The following NUCKS1 variants were observed in gnomAD, a reference collection of about 807,000 sequenced individuals.
The protein encoded by NUCKS1 is nuclear casein kinase and cyclin dependent kinase substrate 1, also known as nuclear ubiquitous casein and cyclin-dependent kinase substrate 1.
A neutral mutation model predicts 33.0 loss-of-function variants in NUCKS1; 2 were observed. The ratio of observed to expected loss-of-function variants is 0.06; its 90% CI spans 0.02 to 0.19. The LOEUF (loss-of-function observed/expected upper bound fraction) is 0.19, where lower values mean the gene tolerates loss of function less well. NUCKS1 is among the 10% of genes least tolerant of loss of function. The pLI is 1.00. For missense variants in NUCKS1, 201 were observed against 293.6 expected (o/e 0.68, Z 2.31); for synonymous variants, 106 against 102.8 (o/e 1.03, Z -0.19).
At chr1:205,729,055 G>A (rs551843651) in intron 2 of NUCKS1, among the ~76,000 whole-genome samples, 10 of 152,014 alleles carry the variant, frequency 6.6e-5, no homozygotes, top group South Asian at 4.2e-4. Context: ...TGCAACCTCC[G>A]CCTCCCGAGT....
At position 205,727,756 on chromosome 1, in the gene NUCKS1, T is replaced by C. The variant is rs370131658; in HGVS notation, c.117A>G (p.Ser39=). The change falls in exon 3 of 7, where the codon TCA becomes TCG. Residue 39 remains serine, a synonymous_variant. Coordinates refer to ENST00000367142, the MANE Select transcript of NUCKS1 (RefSeq NM_022731.5). ...DSGPPTKKIR[S]SPREAKNKRR... is the part of the protein sequence containing the mutation. ...TCTTATTTTTAGCTTCTCGGGGAGA[T>C]GATCGAATTTTCTTAGTGGGAGGGC... 4 of 1,613,588 alleles carry C rather than the reference T, an allele frequency of 2.5e-6. No individual in the cohort carries two copies. The highest frequency in any genetic ancestry group is 2.7e-5 in the African/African-American group (2 of 74,894).
intron 1 of NUCKS1, among the ~76,000 whole-genome samples, chr1:205,743,598 C>A (rs1654235494): frequency 6.6e-6 from 1 of 152,162 alleles, no homozygotes; most frequent in Non-Finnish European, 1.5e-5. Context: ...TACATTGACT[C>A]ACAGAAAGAT....
intron 1 of NUCKS1, among the ~76,000 whole-genome samples, chr1:205,730,229 TAG>T (rs1288987691): frequency 6.6e-6 from 1 of 151,848 alleles, no homozygotes; most frequent in African/African-American, 2.4e-5. Context: ...TCATTTTTTG[TAG>T]AGACAGGGTC....
intron 1 of NUCKS1, among the ~76,000 whole-genome samples, chr1:205,745,877 A>AT (rs1654308139): frequency 6.6e-6 from 1 of 152,208 alleles, no homozygotes; most frequent in African/African-American, 2.4e-5. Context: ...TCCTGACTGC[A>AT]TTTTTTCTCA....
chr1:205,744,435 G>A (rs1447519991), intron 1 of NUCKS1, among the ~76,000 whole-genome samples: 1 of 152,102 alleles, frequency 6.6e-6, no homozygotes, highest in Non-Finnish European at 1.5e-5. Flanking sequence ...CTCAGTAATT[G>A]CTAATTCTAC....
chr1:205,740,488 G>A (rs530955011), intron 1 of NUCKS1, among the ~76,000 whole-genome samples: 2 of 152,028 alleles, frequency 1.3e-5, no homozygotes, highest in Admixed American at 1.3e-4. Context: ...GGTGGCGCAC[G>A]CCTGTAGTCT....
chr1:205,735,175 T>A (rs1468432299), intron 1 of NUCKS1, among the ~76,000 whole-genome samples: 1 of 152,194 alleles, frequency 6.6e-6, no homozygotes, highest in Non-Finnish European at 1.5e-5. Context: ...TGCATGACAT[T>A]ATGGTGAACT....
At chr1:205,737,108 A>T (rs1045073811) in intron 1 of NUCKS1, among the ~76,000 whole-genome samples, 2 of 152,194 alleles carry the variant, frequency 1.3e-5, no homozygotes, top group Non-Finnish European at 2.9e-5. Flanking sequence ...GATTTAGTAA[A>T]TACTAAAGCA....
intron 1 of NUCKS1, 98 bp downstream of exon 1, chr1:205,749,832 CCCGAAAGGGAGGAGGCCGCGCGCGGCA>C: frequency 2.8e-6 from 3 of 1,057,492 alleles, no homozygotes; most frequent in Non-Finnish European, 2.8e-6. Flanking sequence ...GCGCGCGGGC[CCCGAAAGGGAGGAGGCCGCGCGCGGCA>C]CCGGGGATGG....
chr1:205,746,772 A>AT (rs1571592507), intron 1 of NUCKS1, among the ~76,000 whole-genome samples: 1 of 152,222 alleles, frequency 6.6e-6, no homozygotes. Context: ...AATAAATTCT[A>AT]TAACAACTTG....
chr1:205,726,263 C>A (rs756519244), intron 3 of NUCKS1, among the ~76,000 whole-genome samples: 16 of 152,142 alleles, frequency 1.1e-4, no homozygotes, highest in Non-Finnish European at 1.9e-4. Context: ...ACACTGTAAT[C>A]CCTGCACTTT....
At chr1:205,734,013 G>GCA (rs1468971638) in intron 1 of NUCKS1, among the ~76,000 whole-genome samples, 1 of 152,014 alleles carries the variant, frequency 6.6e-6, no homozygotes, top group African/African-American at 2.4e-5. Flanking sequence ...CTACAGAAAG[G>GCA]CACACAGCCA....
chr1:205,716,260 G>A lies in NUCKS1; in HGVS notation c.*2020C>T, dbSNP rs889089350. On this transcript the variant is annotated 3_prime_UTR_variant, in exon 7 of 7. Transcript: ENST00000367142. ...AAGAGCCCTCCCCCCAAATCTTCAC[G>A]AAACATAACCTAAGAAAAGCCCAAA... 2 of 151,988 alleles carry A rather than the reference G, an allele frequency of 1.3e-5. No homozygotes were observed. The highest frequency in any genetic ancestry group is 2.9e-5 in the Non-Finnish European group (2 of 67,994). The allele number at this position is 151,988 out of a possible 1,614,324, so 9.4% of individuals were successfully genotyped here.
At position 205,750,024 on chromosome 1, in the gene NUCKS1, C is replaced by T. The variant is rs560851869; in HGVS notation, c.-51G>A. 3.2e-6 allele frequency: 3 copies of T among 947,938 alleles called. No homozygotes were observed. Among genetic ancestry groups the T allele is most frequent in the Admixed American group, 4.5e-5 (2 of 44,770 alleles). The allele number at this position is 947,938 out of a possible 1,614,324, so 58.7% of individuals were successfully genotyped here. Reference sequence around the variant, plus strand: ...CGAGAAGCCAAAGACCAGGACCCCCCCCACCCCGCGCGCTCGGCGCCCCAC... The same window carrying T: ...CGAGAAGCCAAAGACCAGGACCCCCTCCACCCCGCGCGCTCGGCGCCCCAC... On this transcript the variant is annotated 5_prime_UTR_variant, in exon 1 of 7. Transcript: ENST00000367142.
intron 1 of NUCKS1, among the ~76,000 whole-genome samples, chr1:205,748,959 C>CA (rs1452825881): frequency 1.3e-4 from 20 of 152,300 alleles, no homozygotes; most frequent in African/African-American, 4.3e-4. Context: ...ACATTCCATA[C>CA]AATAGCCTGG....
At chr1:205,748,676 T>C (rs890044435) in intron 1 of NUCKS1, among the ~76,000 whole-genome samples, 7 of 152,160 alleles carry the variant, frequency 4.6e-5, no homozygotes, top group Admixed American at 6.5e-5. Flanking sequence ...GATGATCTAG[T>C]CTGGAGACAG....
chr1:205,730,609 C>T (rs550568064), intron 1 of NUCKS1, among the ~76,000 whole-genome samples: 1 of 152,072 alleles, frequency 6.6e-6, no homozygotes, highest in Non-Finnish European at 1.5e-5. Flanking sequence ...CTGCTTCAGC[C>T]TCCCGAGTAG....
intron 1 of NUCKS1, among the ~76,000 whole-genome samples, chr1:205,737,089 A>G (rs1367738332): frequency 6.6e-6 from 1 of 152,088 alleles, no homozygotes. Context: ...TTTCCTCCAT[A>G]CCACCTTGGA....
chr1:205,728,293 A>C (rs1379087674), intron 2 of NUCKS1, among the ~76,000 whole-genome samples: 2 of 152,088 alleles, frequency 1.3e-5, no homozygotes, highest in African/African-American at 2.4e-5. Flanking sequence ...ATTATTTCCA[A>C]AACTGTTTAC....
Sources: gnomAD v4.1 joint callset for allele counts (sites outside exome capture counted in the v4.1 genomes callset) on GRCh38, gnomAD v4.1.1 for gene constraint, MANE v1.5 for transcripts, NCBI Gene and HGNC (gene_info 2026-07-23, HGNC 2026-07-21) for gene names.